SKAP1: variants seen among roughly 807,000 people sequenced by gnomAD.
SKAP1 encodes src kinase-associated phosphoprotein 1.
In SKAP1, 44 loss-of-function variants were observed where a neutral mutation model predicts 58.5. The observed-to-expected ratio is 0.75, with a 90% CI of 0.59 to 0.97. The LOEUF is 0.97. Among genes scored for constraint, SKAP1 ranks in the 50% least tolerant of loss-of-function variants. SKAP1 has a pLI of 0.00. For missense variants in SKAP1, 390 were observed against 435.2 expected (o/e 0.90, Z 0.92); for synonymous variants, 127 against 149.7 (o/e 0.85, Z 1.11).
intron 2 of SKAP1, 51 bp from the exon 3 acceptor site, chr17:48,363,865 C>T (rs1222219296): frequency 6.4e-7 from 1 of 1,562,224 alleles, no homozygotes; most frequent in East Asian, 2.3e-5. Flanking sequence ...TTGTATTTCT[C>T]AATTTTGGTT....
intron 2 of SKAP1, among the ~76,000 whole-genome samples, chr17:48,382,170 A>T (rs1254589811): frequency 2.0e-5 from 3 of 150,070 alleles, no homozygotes; most frequent in Non-Finnish European, 4.4e-5. Context: ...GTTAGCTGTG[A>T]CTATTATTCT....
intron 2 of SKAP1, 86 bp from the exon 3 acceptor site, chr17:48,363,900 G>A (rs1049517025): frequency 1.9e-6 from 2 of 1,071,168 alleles, no homozygotes; most frequent in African/African-American, 1.6e-5. Context: ...ATAGCACCTG[G>A]TCCAAAAAGC....
chr17:48,302,235 A>C (rs886311842), intron 4 of SKAP1, among the ~76,000 whole-genome samples: 2 of 152,218 alleles, frequency 1.3e-5, no homozygotes, highest in Non-Finnish European at 2.9e-5. Flanking sequence ...CTGATATGAT[A>C]TATACTAAAC....
rs1311204350 is a variant in SKAP1, at chr17:48,189,504, A to G, written c.281-4T>C. On this transcript the variant is annotated splice_polypyrimidine_tract_variant and splice_region_variant and intron_variant, in intron 4 of 12. Transcript: ENST00000336915. ...CCTTTTACGATGTCTTCCATTCCTA[A>G]AAGGACCAATGGCAAAATGCTTTAT... The G allele has an allele frequency of 2.5e-6, 4 of 1,609,198 alleles. No individual in the cohort carries two copies. In the East Asian group the frequency reaches 8.9e-5, roughly 36 times the overall value.
chr17:48,192,675 G>A (rs527817788), intron 4 of SKAP1, among the ~76,000 whole-genome samples: 1 of 152,118 alleles, frequency 6.6e-6, no homozygotes, highest in African/African-American at 2.4e-5. Flanking sequence ...AATTACCCAG[G>A]GGGGAGGAAG....
At chr17:48,343,749 AGCCAAAATGTTTGGAGTATGAATCT>A (rs2066687174) in intron 4 of SKAP1, among the ~76,000 whole-genome samples, 3 of 152,202 alleles carry the variant, frequency 2.0e-5, no homozygotes, top group South Asian at 2.1e-4. Flanking sequence ...GTATGGTCTT[AGCCAAAATGTTTGGAGTATGAATCT>A]GCCAAAATGT....
intron 1 of SKAP1, among the ~76,000 whole-genome samples, chr17:48,423,447 A>C (rs1238674157): frequency 6.6e-6 from 1 of 152,178 alleles, no homozygotes; most frequent in Admixed American, 6.5e-5. Flanking sequence ...GCCTATTATC[A>C]AAGTACCCTT....
At chr17:48,426,127 A>G (rs1443460004) in intron 1 of SKAP1, among the ~76,000 whole-genome samples, 7 of 152,242 alleles carry the variant, frequency 4.6e-5, no homozygotes, top group African/African-American at 1.7e-4. Context: ...TTGGAATTTT[A>G]CTATACTGAA....
intron 9 of SKAP1, among the ~76,000 whole-genome samples, chr17:48,173,774 G>A (rs549450368): frequency 6.6e-6 from 1 of 152,308 alleles, no homozygotes; most frequent in Admixed American, 6.5e-5. Context: ...TGGATCCGAA[G>A]TTGGAGGGTC....
intron 2 of SKAP1, among the ~76,000 whole-genome samples, chr17:48,368,177 A>G (rs2067034358): frequency 6.6e-6 from 1 of 152,152 alleles, no homozygotes; most frequent in Non-Finnish European, 1.5e-5. Flanking sequence ...CACATCCCTC[A>G]CTGGAGGGCA....
At chr17:48,369,394 G>A (rs1185485511) in intron 2 of SKAP1, among the ~76,000 whole-genome samples, 1 of 151,412 alleles carries the variant, frequency 6.6e-6, no homozygotes, top group Non-Finnish European at 1.5e-5. Context: ...AGGAGGCTGA[G>A]GTGGGAGGAT....
chr17:48,136,178 T>TC (rs1567786675), intron 12 of SKAP1, among the ~76,000 whole-genome samples: 101 of 141,644 alleles, frequency 7.1e-4, no homozygotes, highest in African/African-American at 2.9e-3. Flanking sequence ...TTCTCTCTCT[T>TC]TTTTTTTTTT....
the SKAP1 span, among the ~76,000 whole-genome samples, chr17:48,444,992 C>A: frequency 6.6e-6 from 1 of 152,110 alleles, no homozygotes; most frequent in Non-Finnish European, 1.5e-5. Flanking sequence ...GAGGGTGTTT[C>A]TGAGCTGCAC....
At chr17:48,296,420 C>A (rs1244302859) in intron 4 of SKAP1, among the ~76,000 whole-genome samples, 1 of 152,078 alleles carries the variant, frequency 6.6e-6, no homozygotes, top group East Asian at 1.9e-4. Flanking sequence ...TTTAAAAAAA[C>A]AGCTATAGTA....
At chr17:48,219,327 C>A (rs573574353) in intron 4 of SKAP1, among the ~76,000 whole-genome samples, 2 of 152,336 alleles carry the variant, frequency 1.3e-5, no homozygotes, top group South Asian at 4.1e-4. Context: ...TGAACTTGAA[C>A]TTCTTGCTGA....
intron 4 of SKAP1, among the ~76,000 whole-genome samples, chr17:48,268,272 AAAC>A (rs747141836): frequency 0.21 from 28,928 of 137,370 alleles, 3,458 homozygotes; most frequent in South Asian, 0.39. Context: ...CTTAAAAAAA[AAAC>A]AAAAAACCCA....
In SKAP1 at chr17:48,150,759, C is replaced by T. The variant is rs558798227; in HGVS notation, c.978+11710G>A. On this transcript the variant is annotated intron_variant, in intron 11 of 12. Coordinates refer to ENST00000336915, the MANE Select transcript of SKAP1 (RefSeq NM_003726.4). Reference sequence around the variant, plus strand: ...GTGAACATCCACAAAGTAGAGCGAGCAAGCGTGTACACGACAACGGGTATT... The same window carrying T: ...GTGAACATCCACAAAGTAGAGCGAGTAAGCGTGTACACGACAACGGGTATT... Among the ~76,000 whole-genome samples, 8 of 152,258 alleles carry T rather than the reference C, an allele frequency of 5.3e-5. No homozygotes were observed. The East Asian group carries it at 1.5e-3, about 29-fold the overall frequency.
intron 1 of SKAP1, among the ~76,000 whole-genome samples, chr17:48,421,738 T>A (rs2067796382): frequency 6.6e-6 from 1 of 152,130 alleles, no homozygotes; most frequent in South Asian, 2.1e-4. Context: ...AAATTTCAAC[T>A]GAAACATCAG....
chr17:48,191,245 G>A (rs1029497638), intron 4 of SKAP1, among the ~76,000 whole-genome samples: 8 of 151,886 alleles, frequency 5.3e-5, no homozygotes, highest in African/African-American at 1.9e-4. Flanking sequence ...AAAATAAAAT[G>A]AAAGAAGAAT....
Sources: allele counts gnomAD v4.1 joint callset (sites outside exome capture counted in the v4.1 genomes callset), GRCh38; gene constraint gnomAD v4.1.1; transcripts MANE v1.5; gene names NCBI Gene and HGNC (gene_info 2026-07-23, HGNC 2026-07-21).